RIC3: variants seen among roughly 807,000 people sequenced by gnomAD.
RIC3 encodes RIC3 acetylcholine receptor chaperone.
A neutral mutation model predicts 27.3 loss-of-function variants in RIC3; 28 were observed. The ratio of observed to expected loss-of-function variants is 1.02; its 90% confidence interval spans 0.76 to 1.41. RIC3 has a LOEUF of 1.41. Among genes scored for constraint, RIC3 ranks in the 40% most tolerant of loss-of-function variants. The pLI is 0.00. For missense variants in RIC3, 501 were observed against 444.7 expected (o/e 1.13, Z -1.14); for synonymous variants, 184 against 160.4 (o/e 1.15, Z -1.11).
In RIC3 at chr11:8,151,362, C is replaced by T. The variant is rs542843564; in HGVS notation, c.125-11169G>A. ...CAGCACTTTGGGAGGCCGAGACGGG[C>T]GGATCACGAGGTCAGGAGATCGAGA... On this transcript the variant is annotated intron_variant, in intron 1 of 5. Transcript: ENST00000309737. Among the ~76,000 whole-genome samples the T allele has an allele frequency of 8.6e-5, 13 of 151,680 alleles. No individual in the cohort carries two copies. In the East Asian group the frequency reaches 9.7e-4, roughly 11 times the overall value.
intron 1 of RIC3, among the ~76,000 whole-genome samples, chr11:8,156,335 G>A (rs1358079169): frequency 2.6e-5 from 4 of 152,186 alleles, no homozygotes; most frequent in Non-Finnish European, 5.9e-5. Context: ...GATTATGGCT[G>A]TGCCTCCCAC....
chr11:8,122,284 T>G (rs1165513669), intron 5 of RIC3, among the ~76,000 whole-genome samples: 1 of 152,168 alleles, frequency 6.6e-6, no homozygotes, highest in Non-Finnish European at 1.5e-5. Flanking sequence ...CAACAACTAA[T>G]CAGTCCTCTA....
intron 1 of RIC3, among the ~76,000 whole-genome samples, chr11:8,162,389 ATCT>A (rs1245151205): frequency 1.3e-5 from 2 of 152,174 alleles, no homozygotes; most frequent in East Asian, 3.9e-4. Flanking sequence ...GACTACAACA[ATCT>A]TCTCCCTGAA....
Position 8,110,250 on chromosome 11 carries a change from A to T in RIC3, c.*448T>A. The T allele has an allele frequency of 3.5e-6, 1 of 287,658 alleles. No individual in the cohort carries two copies. Among genetic ancestry groups the T allele is most frequent in the Non-Finnish European group, 6.7e-6 (1 of 148,722 alleles). 17.8% of individuals were successfully genotyped at this position (287,658 alleles called of 1,614,324 possible). On this transcript the variant is annotated 3_prime_UTR_variant, in exon 6 of 6. Transcript: ENST00000309737. ...TTCTCTTCTCACCAGGGGACTACTA[A>T]CCTGCTCAAGGCCCAAAGAATAAGG...
intron 1 of RIC3, 25 bp from the exon 2 acceptor site, chr11:8,140,218 A>G (rs757663635): frequency 1.9e-6 from 3 of 1,596,524 alleles, no homozygotes; most frequent in Non-Finnish European, 2.6e-6. Flanking sequence ...ATCACTTTTT[A>G]TCTCTTCTAC....
intron 1 of RIC3, among the ~76,000 whole-genome samples, chr11:8,144,237 C>G (rs1464532204): frequency 2.0e-5 from 3 of 150,734 alleles, no homozygotes; most frequent in African/African-American, 7.3e-5. Flanking sequence ...TCAGAGTGAA[C>G]AGGCAACCTA....
chr11:8,100,801 G>A, the RIC3 span: 1 of 1,612,120 alleles, frequency 6.2e-7, no homozygotes, highest in Non-Finnish European at 8.5e-7. Context: ...GCCTGGGCCT[G>A]GCTCAGGTGA....
intron 5 of RIC3, among the ~76,000 whole-genome samples, chr11:8,111,417 T>C (rs1296559346): frequency 6.6e-6 from 1 of 152,206 alleles, no homozygotes; most frequent in African/African-American, 2.4e-5. Flanking sequence ...CATGTGTTTT[T>C]GCAGTACTGA....
At chr11:8,100,697 G>GA in the RIC3 span, 388 of 1,515,442 alleles carry the variant, frequency 2.6e-4, no homozygotes, top group South Asian at 4.5e-4. Context: ...GTATGTGGAG[G>GA]GGTACCATGT....
chr11:8,142,504 G>A (rs1391888319), intron 1 of RIC3, among the ~76,000 whole-genome samples: 3,600 of 138,212 alleles, frequency 0.026, 44 homozygotes, highest in Admixed American at 0.042. Flanking sequence ...GAATAGACCA[G>A]TAACAGGAGC....
intron 5 of RIC3, among the ~76,000 whole-genome samples, chr11:8,118,155 G>T (rs1946066525): frequency 6.6e-6 from 1 of 150,944 alleles, no homozygotes; most frequent in Non-Finnish European, 1.5e-5. Flanking sequence ...CCTGGGAAGT[G>T]GAGCTTGTAG....
At chr11:8,103,023 T>C (rs1944370721), downstream of RIC3, 1 of 152,274 alleles carries the variant, frequency 6.6e-6, no homozygotes, top group Admixed American at 6.5e-5. Flanking sequence ...GGCAGTTCCC[T>C]GTTGAAAGTT....
At chr11:8,145,172 A>G (rs1293262939) in intron 1 of RIC3, among the ~76,000 whole-genome samples, 1 of 143,994 alleles carries the variant, frequency 6.9e-6, no homozygotes, top group Non-Finnish European at 1.5e-5. Flanking sequence ...CTAAAACTTA[A>G]AGTATAATAA....
Position 8,107,824 on chromosome 11 carries a change from C to T in RIC3, c.*2874G>A, listed in dbSNP as rs1237283247. On this transcript the variant is annotated 3_prime_UTR_variant, in exon 6 of 6. Coordinates refer to ENST00000309737, the MANE Select transcript of RIC3 (RefSeq NM_001206671.4). ...GAGCTAACTGTCCATAAAGGTATGACTTGTGTACTCTGCCACAGTGCCAAA... is the reference window on the plus strand; with the variant it reads ...GAGCTAACTGTCCATAAAGGTATGATTTGTGTACTCTGCCACAGTGCCAAA... 1 of 152,188 alleles carries T rather than the reference C, an allele frequency of 6.6e-6. No homozygotes were observed. The highest frequency in any genetic ancestry group is 1.5e-5 in the Non-Finnish European group (1 of 68,028). 9.4% of individuals were successfully genotyped at this position (152,188 alleles called of 1,614,324 possible).
At chr11:8,094,155 C>T in the RIC3 span, 145 of 1,613,740 alleles carry the variant, frequency 9.0e-5, no homozygotes, top group South Asian at 2.4e-4. Context: ...GCCAGGGTGG[C>T]GCCGCTAGGA....
At chr11:8,139,045 G>C (rs569372126) in intron 2 of RIC3, 1 of 152,294 alleles carries the variant, frequency 6.6e-6, no homozygotes, top group East Asian at 1.9e-4. Context: ...TCTGCAGAAA[G>C]TAAAAATGGC....
At chr11:8,168,802 C>T in intron 1 of RIC3, 64 bp downstream of exon 1, 1 of 1,559,572 alleles carries the variant, frequency 6.4e-7, no homozygotes, top group East Asian at 2.5e-5. Flanking sequence ...TCACCCCTCC[C>T]TCAAGCAGCG....
chr11:8,116,958 C>A (rs1200119375), intron 5 of RIC3, among the ~76,000 whole-genome samples: 1 of 152,166 alleles, frequency 6.6e-6, no homozygotes, highest in Non-Finnish European at 1.5e-5. Context: ...ATCTGCACTC[C>A]CATGTTCACT....
At chr11:8,148,879 C>T (rs1949969647) in intron 1 of RIC3, among the ~76,000 whole-genome samples, 1 of 151,780 alleles carries the variant, frequency 6.6e-6, no homozygotes, top group Non-Finnish European at 1.5e-5. Context: ...CAAAATCTTT[C>T]TTTAAAAAAA....
Sources: gnomAD v4.1 joint callset for allele counts (sites outside exome capture counted in the v4.1 genomes callset) on GRCh38, gnomAD v4.1.1 for gene constraint, MANE v1.5 for transcripts, NCBI Gene and HGNC (gene_info 2026-07-23, HGNC 2026-07-21) for gene names.